The following NCOA2 variants were observed in gnomAD, a reference collection of about 807,000 sequenced individuals.
NCOA2 encodes the protein class E basic helix-loop-helix protein 75.
NCOA2 carries 21 observed loss-of-function variants against 145.1 expected under a neutral mutation model. The observed-to-expected ratio is 0.14, with a 90% CI of 0.10 to 0.21. The LOEUF (loss-of-function observed/expected upper bound fraction) is 0.21. NCOA2 is among the 10% of genes least tolerant of loss of function. NCOA2 has a pLI of 1.00. For synonymous variants in NCOA2, 619 were observed against 637.5 expected, an observed-to-expected ratio of 0.97 and a Z score of 0.44; for missense variants, 1,472 against 1,837.6, an observed-to-expected ratio of 0.80 and a Z score of 3.64.
intron 4 of NCOA2, among the ~76,000 whole-genome samples, chr8:70,200,957 A>G (rs1021895436): frequency 6.7e-6 from 1 of 148,998 alleles, no homozygotes; most frequent in East Asian, 2.0e-4. Context: ...CTGAGGTGGG[A>G]GAATCACTTG....
intron 1 of NCOA2, among the ~76,000 whole-genome samples, chr8:70,327,359 C>T (rs1806689047): frequency 6.6e-6 from 1 of 152,212 alleles, no homozygotes; most frequent in Non-Finnish European, 1.5e-5. Flanking sequence ...TACATTTATA[C>T]ATTTGTGAGA....
intron 20 of NCOA2, 108 bp from the exon 21 acceptor site, chr8:70,124,190 G>C (rs191197197): frequency 9.8e-7 from 1 of 1,021,704 alleles, no homozygotes. Flanking sequence ...GAATAAACCT[G>C]AACTGCATGA....
chr8:70,171,002 G>T (rs1371773432), intron 5 of NCOA2, among the ~76,000 whole-genome samples: 1 of 152,150 alleles, frequency 6.6e-6, no homozygotes, highest in East Asian at 1.9e-4. Flanking sequence ...TCACCTTCAT[G>T]GGGACCTCAG....
chr8:70,379,251 C>A (rs537866798), intron 1 of NCOA2, among the ~76,000 whole-genome samples: 1 of 152,256 alleles, frequency 6.6e-6, no homozygotes, highest in Non-Finnish European at 1.5e-5. Context: ...AAGCATTATA[C>A]CCACCCTCCA....
the NCOA2 span, among the ~76,000 whole-genome samples, chr8:70,445,230 C>T: frequency 6.6e-6 from 1 of 152,262 alleles, no homozygotes; most frequent in African/African-American, 2.4e-5. Flanking sequence ...ATTTTTAAAT[C>T]AGTAAAGCTT....
intron 10 of NCOA2, among the ~76,000 whole-genome samples, chr8:70,157,797 A>T (rs1389015867): frequency 6.6e-6 from 1 of 152,216 alleles, no homozygotes; most frequent in East Asian, 1.9e-4. Context: ...TTAGAATTAG[A>T]TCACCTTGTT....
the NCOA2 span, among the ~76,000 whole-genome samples, chr8:70,445,456 C>T: frequency 6.6e-6 from 1 of 152,084 alleles, no homozygotes; most frequent in Non-Finnish European, 1.5e-5. Flanking sequence ...AATATTGAGC[C>T]GAGCCTGTAA....
At chr8:70,124,615 G>T in intron 20 of NCOA2, 73 bp downstream of exon 20, 1 of 1,405,496 alleles carries the variant, frequency 7.1e-7, no homozygotes, top group East Asian at 2.4e-5. Flanking sequence ...CTCCTCGGGT[G>T]CAGGCATGAA....
intron 7 of NCOA2, among the ~76,000 whole-genome samples, chr8:70,166,295 C>G (rs963612891): frequency 6.6e-6 from 1 of 152,224 alleles, no homozygotes; most frequent in African/African-American, 2.4e-5. Context: ...CCCCTAGCTG[C>G]ACTACTGACA....
At chr8:70,307,405 T>C (rs937441814) in intron 1 of NCOA2, among the ~76,000 whole-genome samples, 1 of 152,158 alleles carries the variant, frequency 6.6e-6, no homozygotes, top group Admixed American at 6.5e-5. Context: ...CTATTGTGGC[T>C]AAATTTTTCT....
At chr8:70,435,259 A>G in the NCOA2 span, among the ~76,000 whole-genome samples, 1 of 150,346 alleles carries the variant, frequency 6.7e-6, no homozygotes, top group South Asian at 2.1e-4. Flanking sequence ...CCCCGTCTCT[A>G]CTAAAAATAC....
At position 70,123,983 on chromosome 8, in the gene NCOA2, T is replaced by C. The variant is rs752913617; in HGVS notation, c.4194A>G (p.Thr1398=). The C allele has an allele frequency of 6.2e-7, 1 of 1,614,016 alleles. No individual in the cohort carries two copies. Among genetic ancestry groups the C allele is most frequent in the South Asian group, 1.1e-5 (1 of 91,076 alleles). The change falls in exon 21 of 23, where the codon ACA becomes ACG. Residue 1398 remains threonine, a synonymous_variant. Transcript: ENST00000452400. ...TCTGGTTCATGCTGCTCATGCCACC[T>C]GTGTTGGTCGCCATGGACACATTGA... ...MNINVSMATN[T]GGMSSMNQMT...
chr8:70,414,713 GCTTTA>G, the NCOA2 span, among the ~76,000 whole-genome samples: 9 of 152,158 alleles, frequency 5.9e-5, no homozygotes, highest in African/African-American at 1.7e-4. Context: ...AGAAAAACAT[GCTTTA>G]CTTTACCACC....
the NCOA2 span, among the ~76,000 whole-genome samples, chr8:70,430,032 G>T: frequency 2.0e-5 from 3 of 151,960 alleles, no homozygotes; most frequent in Non-Finnish European, 1.5e-5. Context: ...TTCTTATTTC[G>T]TGTAGAGATA....
intron 1 of NCOA2, among the ~76,000 whole-genome samples, chr8:70,377,302 T>C (rs1241099374): frequency 6.6e-6 from 1 of 151,838 alleles, no homozygotes; most frequent in Non-Finnish European, 1.5e-5. Context: ...GAAATCTCCG[T>C]GTCAACTTGA....
intron 1 of NCOA2, among the ~76,000 whole-genome samples, chr8:70,324,200 T>C (rs1420328168): frequency 6.6e-6 from 1 of 152,202 alleles, no homozygotes; most frequent in African/African-American, 2.4e-5. Flanking sequence ...ATCTAATCCC[T>C]AAAGTATATG....
intron 6 of NCOA2, among the ~76,000 whole-genome samples, chr8:70,169,328 G>A (rs1422257586): frequency 1.3e-5 from 2 of 152,172 alleles, no homozygotes; most frequent in Admixed American, 6.5e-5. Flanking sequence ...CTAAGGCAGC[G>A]GCATCTGGTG....
chr8:70,187,144 T>C (rs748664067), intron 4 of NCOA2, among the ~76,000 whole-genome samples: 1 of 152,122 alleles, frequency 6.6e-6, no homozygotes, highest in Non-Finnish European at 1.5e-5. Flanking sequence ...GGAGAAGCAG[T>C]GAGGGCCTTA....
intron 1 of NCOA2, among the ~76,000 whole-genome samples, chr8:70,319,183 T>C (rs1400575576): frequency 6.6e-6 from 1 of 152,182 alleles, no homozygotes; most frequent in East Asian, 1.9e-4. Context: ...AACTGGCATC[T>C]GTACATTTGT....
Sources: gnomAD v4.1 joint callset for allele counts (sites outside exome capture counted in the v4.1 genomes callset) on GRCh38, gnomAD v4.1.1 for gene constraint, MANE v1.5 for transcripts, NCBI Gene and HGNC (gene_info 2026-07-23, HGNC 2026-07-21) for gene names.